Variants in SV2C observed in about 807,000 individuals in gnomAD.
SV2C encodes synaptic vesicle glycoprotein 2C.
Under a neutral mutation model 79.7 loss-of-function variants are expected in SV2C, and 49 were observed. The ratio of observed to expected loss-of-function variants is 0.61; its 90% confidence interval spans 0.49 to 0.78. The LOEUF (loss-of-function observed/expected upper bound fraction) is 0.78, where lower values mean the gene tolerates loss of function less well. SV2C is among the 30% of genes least tolerant of loss of function. The probability of loss-of-function intolerance (pLI) is 0.00; values close to 1 mark genes in which losing one functional copy is unlikely to be tolerated. For missense variants in SV2C, 833 were observed against 912.9 expected, an observed-to-expected ratio of 0.91 and a Z score of 1.13; for synonymous variants, 334 against 333.2, an observed-to-expected ratio of 1.00 and a Z score of -0.03.
chr5:76,206,841 C>T (rs1290484746), intron 3 of SV2C, among the ~76,000 whole-genome samples: 2 of 152,178 alleles, frequency 1.3e-5, no homozygotes, highest in African/African-American at 4.8e-5. Context: ...ATATCATCAG[C>T]CCACAATAAG....
intron 1 of SV2C, among the ~76,000 whole-genome samples, chr5:76,114,476 C>T (rs986339392): frequency 7.2e-5 from 11 of 152,174 alleles, no homozygotes; most frequent in African/African-American, 2.7e-4. Context: ...TTGTTGACAT[C>T]TATGAGAGTT....
chr5:76,318,700 A>T (rs1049427890), intron 12 of SV2C, among the ~76,000 whole-genome samples: 1 of 152,238 alleles, frequency 6.6e-6, no homozygotes, highest in Non-Finnish European at 1.5e-5. Flanking sequence ...ACATTTAAAA[A>T]TTTTAAATAA....
intron 2 of SV2C, among the ~76,000 whole-genome samples, chr5:76,142,040 A>G (rs547123337): frequency 3.3e-5 from 5 of 152,222 alleles, no homozygotes; most frequent in African/African-American, 1.2e-4. Flanking sequence ...GGGCCTTTAA[A>G]TGGCCTGAGA....
chr5:75,865,070 G>A, the SV2C span, among the ~76,000 whole-genome samples: 2 of 152,186 alleles, frequency 1.3e-5, no homozygotes, highest in Admixed American at 6.5e-5. Flanking sequence ...GCCATCTGCA[G>A]CACAGACTTA....
intron 4 of SV2C, among the ~76,000 whole-genome samples, chr5:76,255,857 T>G (rs1746247260): frequency 6.6e-6 from 1 of 152,180 alleles, no homozygotes; most frequent in South Asian, 2.1e-4. Context: ...TTCCTGCCTC[T>G]TCCTTCAACT....
intron 1 of SV2C, among the ~76,000 whole-genome samples, chr5:76,113,865 G>A (rs1220921296): frequency 1.3e-5 from 2 of 152,076 alleles, no homozygotes; most frequent in African/African-American, 2.4e-5. Flanking sequence ...TGGCTACCTA[G>A]ATCTCTTACG....
At chr5:75,959,846 A>T in the SV2C span, among the ~76,000 whole-genome samples, 1 of 152,014 alleles carries the variant, frequency 6.6e-6, no homozygotes, top group South Asian at 2.1e-4. Context: ...GACCAGTCCT[A>T]TTCACAAAGA....
At chr5:76,030,585 A>G in the SV2C span, among the ~76,000 whole-genome samples, 2 of 152,028 alleles carry the variant, frequency 1.3e-5, no homozygotes, top group African/African-American at 4.8e-5. Flanking sequence ...CATGATATGT[A>G]TATGGTTTGG....
At chr5:76,175,235 G>A (rs1291225784) in intron 2 of SV2C, among the ~76,000 whole-genome samples, 2 of 152,122 alleles carry the variant, frequency 1.3e-5, no homozygotes, top group Non-Finnish European at 2.9e-5. Flanking sequence ...AAGTGTGGGG[G>A]AGTCTTTGGC....
chr5:76,184,469 A>G (rs144071038), intron 2 of SV2C, among the ~76,000 whole-genome samples: 50 of 152,366 alleles, frequency 3.3e-4, no homozygotes, highest in African/African-American at 1.1e-3. Context: ...GTCCGTTCTC[A>G]TACTGCTATA....
At chr5:76,146,871 A>G (rs533137389) in intron 2 of SV2C, among the ~76,000 whole-genome samples, 1 of 151,580 alleles carries the variant, frequency 6.6e-6, no homozygotes, top group Non-Finnish European at 1.5e-5. Flanking sequence ...AAAAAGTTTT[A>G]AAAAGAAAAA....
At chr5:76,046,984 C>T in the SV2C span, among the ~76,000 whole-genome samples, 77 of 152,358 alleles carry the variant, frequency 5.1e-4, no homozygotes, top group African/African-American at 1.7e-3. Flanking sequence ...TGAGTGCTTA[C>T]ATGCATTTCC....
Position 76,327,394 on chromosome 5 carries a change from T to C in SV2C, c.*1847T>C, listed in dbSNP as rs1287766813. On this transcript the variant is annotated 3_prime_UTR_variant, in exon 13 of 13. Transcript: ENST00000502798. ...AAAAATCACTGAAGGCTAGACAAGA[T>C]GCATTTGAAAGATACCAACCGCACA... 2 of 152,188 alleles carry C rather than the reference T, an allele frequency of 1.3e-5. No homozygotes were observed. Among genetic ancestry groups the C allele is most frequent in the Non-Finnish European group, 2.9e-5 (2 of 68,046 alleles). 9.4% of individuals were successfully genotyped at this position (152,188 alleles called of 1,614,324 possible). A position where few individuals can be genotyped will look rare whatever the true frequency, so the allele number is the denominator to read the frequency against.
intron 4 of SV2C, among the ~76,000 whole-genome samples, chr5:76,212,097 AT>A (rs543718592): frequency 1.2e-3 from 172 of 147,394 alleles, no homozygotes; most frequent in African/African-American, 3.2e-3. Flanking sequence ...GGAATTCAAG[AT>A]TTTTTTTTTT....
chr5:76,296,960 G>T (rs1176393824), intron 9 of SV2C, among the ~76,000 whole-genome samples: 1 of 151,756 alleles, frequency 6.6e-6, no homozygotes, highest in Non-Finnish European at 1.5e-5. Context: ...TGATGCCAGG[G>T]TGAAAACTGA....
At chr5:76,347,943 T>A (rs550736537) in intron 12 of SV2C, among the ~76,000 whole-genome samples, 11 of 152,266 alleles carry the variant, frequency 7.2e-5, no homozygotes, top group African/African-American at 2.4e-4. Flanking sequence ...AAGTCCATAG[T>A]TTACCTTAGG....
chr5:76,001,562 C>T, the SV2C span, among the ~76,000 whole-genome samples: 1 of 151,334 alleles, frequency 6.6e-6, no homozygotes, highest in African/African-American at 2.4e-5. Flanking sequence ...GCACTCCAGC[C>T]TGGGTGACAG....
the SV2C span, among the ~76,000 whole-genome samples, chr5:75,934,563 G>A: frequency 6.6e-6 from 1 of 152,116 alleles, no homozygotes; most frequent in Non-Finnish European, 1.5e-5. Flanking sequence ...TGGGATTACA[G>A]GCTTTAGCCG....
intron 2 of SV2C, among the ~76,000 whole-genome samples, chr5:76,138,716 G>A (rs546766443): frequency 1.3e-5 from 2 of 152,234 alleles, no homozygotes; most frequent in South Asian, 2.1e-4. Flanking sequence ...TCAGTGTGTG[G>A]TACATAATAG....
Sources: allele counts gnomAD v4.1 joint callset (sites outside exome capture counted in the v4.1 genomes callset), GRCh38; gene constraint gnomAD v4.1.1; transcripts MANE v1.5; gene names NCBI Gene and HGNC (gene_info 2026-07-23, HGNC 2026-07-21).